DLG2: variants seen among roughly 807,000 people sequenced by gnomAD.
DLG2 encodes the protein disks large homolog 2.
DLG2 carries 45 observed loss-of-function variants against 132.5 expected under a neutral mutation model. That is an observed-to-expected ratio of 0.34 (90% CI 0.27 to 0.44). DLG2 has a LOEUF of 0.44. DLG2 is among the 20% of genes least tolerant of loss of function. The probability of loss-of-function intolerance (pLI) is 1.00; values close to 1 mark genes in which losing one functional copy is unlikely to be tolerated. For missense variants in DLG2, 1,045 were observed against 1,196.9 expected (o/e 0.87, Z 1.87); for synonymous variants, 424 against 419.6 (o/e 1.01, Z -0.13).
chr11:83,751,729 AT>A (rs1448325560), intron 18 of DLG2, among the ~76,000 whole-genome samples: 2 of 152,190 alleles, frequency 1.3e-5, no homozygotes, highest in Non-Finnish European at 2.9e-5. Flanking sequence ...GGTAGGAAAG[AT>A]TGTAGAAGTT....
intron 11 of DLG2, among the ~76,000 whole-genome samples, chr11:84,012,065 T>C (rs2094919009): frequency 6.6e-6 from 1 of 152,122 alleles, no homozygotes; most frequent in South Asian, 2.1e-4. Flanking sequence ...GAGACTTACA[T>C]ATATAGAAAA....
chr11:83,473,073 C>A (rs1440091764), intron 22 of DLG2, among the ~76,000 whole-genome samples: 1 of 152,072 alleles, frequency 6.6e-6, no homozygotes, highest in African/African-American at 2.4e-5. Flanking sequence ...GGCCTCTACA[C>A]CAAGCATTAC....
intron 3 of DLG2, among the ~76,000 whole-genome samples, chr11:85,297,471 A>G (rs1361378665): frequency 1.3e-5 from 2 of 152,202 alleles, no homozygotes; most frequent in African/African-American, 4.8e-5. Context: ...CCAGCAGGCC[A>G]TTCTGCCTGT....
At chr11:84,078,532 C>T (rs985899325) in intron 10 of DLG2, among the ~76,000 whole-genome samples, 1 of 152,074 alleles carries the variant, frequency 6.6e-6, no homozygotes, top group African/African-American at 2.4e-5. Flanking sequence ...AAGACATATA[C>T]TTTATTTTTT....
In DLG2 at chr11:84,812,324, C is replaced by A. The variant is rs76660302; in HGVS notation, c.358-277593G>T. Among the ~76,000 whole-genome samples the A allele has an allele frequency of 9.9e-3, 1,507 of 152,234 alleles. 29 individuals carry two copies. Among genetic ancestry groups the A allele is most frequent in the African/African-American group, 0.035 (1,438 of 41,566 alleles). On this transcript the variant is annotated intron_variant, in intron 6 of 27. Transcript: ENST00000376104. ...TATAAACTCACAAACATACTTGCAC[C>A]TTTATAGGCACATACTGTGTGGATT...
At chr11:83,706,643 T>A (rs934118853) in intron 18 of DLG2, among the ~76,000 whole-genome samples, 3 of 152,222 alleles carry the variant, frequency 2.0e-5, no homozygotes, top group Non-Finnish European at 2.9e-5. Flanking sequence ...AATTCAGAAC[T>A]ATCTATCCAA....
At chr11:84,085,446 A>C (rs1369230641) in intron 10 of DLG2, among the ~76,000 whole-genome samples, 1 of 152,210 alleles carries the variant, frequency 6.6e-6, no homozygotes, top group Non-Finnish European at 1.5e-5. Context: ...TCTAATGAGC[A>C]GTGGATCTTC....
At chr11:85,286,424 C>A (rs1312507361) in intron 3 of DLG2, among the ~76,000 whole-genome samples, 1 of 152,040 alleles carries the variant, frequency 6.6e-6, no homozygotes, top group East Asian at 1.9e-4. Context: ...ATACACAAAT[C>A]AGTTATACAC....
At chr11:83,526,636 T>A (rs2095616678) in intron 21 of DLG2, among the ~76,000 whole-genome samples, 1 of 152,184 alleles carries the variant, frequency 6.6e-6, no homozygotes, top group Non-Finnish European at 1.5e-5. Context: ...TCTTTATTGC[T>A]TACAGGATAA....
chr11:84,079,385 G>C (rs1281735291), intron 10 of DLG2, among the ~76,000 whole-genome samples: 1 of 151,902 alleles, frequency 6.6e-6, no homozygotes, highest in Non-Finnish European at 1.5e-5. Context: ...CTGGGTTCCA[G>C]CAATTCTCAT....
chr11:84,845,681 T>C (rs1021354194), intron 6 of DLG2, among the ~76,000 whole-genome samples: 1 of 126,092 alleles, frequency 7.9e-6, no homozygotes, highest in Non-Finnish European at 1.8e-5. Context: ...TGATCGTCAC[T>C]CTTTTTTTTT....
intron 6 of DLG2, among the ~76,000 whole-genome samples, chr11:84,854,845 A>C (rs1016310879): frequency 2.0e-5 from 3 of 152,014 alleles, no homozygotes; most frequent in Admixed American, 2.0e-4. Flanking sequence ...AATGCCACTT[A>C]CTGTGACACT....
intron 6 of DLG2, among the ~76,000 whole-genome samples, chr11:85,086,439 C>T (rs1413721794): frequency 1.3e-5 from 2 of 152,100 alleles, no homozygotes; most frequent in African/African-American, 2.4e-5. Context: ...GAGCACTACA[C>T]TAGCTAATCT....
chr11:85,003,781 T>C (rs549957611), intron 6 of DLG2, among the ~76,000 whole-genome samples: 1 of 152,306 alleles, frequency 6.6e-6, no homozygotes, highest in South Asian at 2.1e-4. Flanking sequence ...TGCAGGTTTG[T>C]TACATAGGTA....
intron 6 of DLG2, among the ~76,000 whole-genome samples, chr11:84,885,763 A>T (rs942524539): frequency 5.9e-5 from 9 of 152,074 alleles, no homozygotes; most frequent in African/African-American, 2.2e-4. Flanking sequence ...CCACCTTAAC[A>T]TTGACCCTTT....
At chr11:83,657,917 T>C (rs576811492) in intron 18 of DLG2, among the ~76,000 whole-genome samples, 2 of 152,280 alleles carry the variant, frequency 1.3e-5, no homozygotes, top group Admixed American at 1.3e-4. Flanking sequence ...CTATAAAAAA[T>C]AGACTCAGAT....
intron 6 of DLG2, among the ~76,000 whole-genome samples, chr11:84,999,153 A>G (rs931439279): frequency 1.3e-5 from 2 of 152,078 alleles, no homozygotes; most frequent in East Asian, 1.9e-4. Context: ...GGATGAATCA[A>G]TTATAGTGGT....
intron 7 of DLG2, among the ~76,000 whole-genome samples, chr11:84,467,621 A>G (rs1293109415): frequency 6.6e-6 from 1 of 151,412 alleles, no homozygotes; most frequent in Non-Finnish European, 1.5e-5. Context: ...CACCAAACAA[A>G]TAAGAACCAA....
At chr11:84,385,244 T>TA (rs961026413) in intron 7 of DLG2, among the ~76,000 whole-genome samples, 3 of 151,964 alleles carry the variant, frequency 2.0e-5, no homozygotes, top group Admixed American at 2.0e-4. Context: ...TAAAGAGTTT[T>TA]AAAAAAAATC....
Sources: gnomAD v4.1 joint callset for allele counts (sites outside exome capture counted in the v4.1 genomes callset) on GRCh38, gnomAD v4.1.1 for gene constraint, MANE v1.5 for transcripts, NCBI Gene and HGNC (gene_info 2026-07-23, HGNC 2026-07-21) for gene names.